The following TIAM1 variants were observed in gnomAD, a reference collection of about 807,000 sequenced individuals.
The protein encoded by TIAM1 is TIAM Rac1 associated GEF 1.
Under a neutral mutation model 163.5 loss-of-function variants are expected in TIAM1, and 65 were observed. The ratio of observed to expected loss-of-function variants is 0.40; its 90% CI spans 0.33 to 0.49. The LOEUF (loss-of-function observed/expected upper bound fraction) is 0.49. Ranked by LOEUF, TIAM1 falls within the 20% of genes least tolerant of loss-of-function variation. The probability of loss-of-function intolerance (pLI) is 0.77; values close to 1 mark genes in which losing one functional copy is unlikely to be tolerated. For missense variants in TIAM1, 1,789 were observed against 2,044.7 expected, an observed-to-expected ratio of 0.87 and a Z score of 2.41; for synonymous variants, 833 against 810.1, an observed-to-expected ratio of 1.03 and a Z score of -0.48.
intron 26 of TIAM1, among the ~76,000 whole-genome samples, chr21:31,126,464 G>GGC (rs1207887157): frequency 6.6e-6 from 1 of 152,108 alleles, no homozygotes; most frequent in Non-Finnish European, 1.5e-5. Context: ...CCACTCGGGA[G>GGC]GCTGAGGCAG....
chr21:31,350,241 C>T (rs1394779684), intron 2 of TIAM1, among the ~76,000 whole-genome samples: 1 of 152,038 alleles, frequency 6.6e-6, no homozygotes, highest in African/African-American at 2.4e-5. Context: ...CACAAAGGCC[C>T]GACACTAACC....
At chr21:31,328,765 G>A (rs958391042) in intron 2 of TIAM1, among the ~76,000 whole-genome samples, 1 of 151,326 alleles carries the variant, frequency 6.6e-6, no homozygotes, top group Non-Finnish European at 1.5e-5. Context: ...CTGTGTCCAT[G>A]TGTTCTCATT....
intron 9 of TIAM1, among the ~76,000 whole-genome samples, chr21:31,216,299 C>G (rs978967671): frequency 1.3e-5 from 2 of 152,040 alleles, no homozygotes; most frequent in African/African-American, 4.8e-5. Context: ...TGGAACTGTC[C>G]GAGCAAACAA....
chr21:31,153,179 T>C, intron 17 of TIAM1, 45 bp from the exon 18 acceptor site: 1 of 1,477,402 alleles, frequency 6.8e-7, no homozygotes, highest in East Asian at 2.3e-5. Context: ...GTTTTATTTT[T>C]TATATACCCT....
chr21:31,413,747 C>G (rs951362709), intron 2 of TIAM1, among the ~76,000 whole-genome samples: 7 of 152,160 alleles, frequency 4.6e-5, no homozygotes. Context: ...TTTCTTGATA[C>G]CAGCTCCAGA....
intron 16 of TIAM1, among the ~76,000 whole-genome samples, chr21:31,160,102 A>G (rs2083836266): frequency 6.6e-6 from 1 of 152,230 alleles, no homozygotes; most frequent in South Asian, 2.1e-4. Flanking sequence ...ACAAAACACA[A>G]TCAAAATCTC....
In TIAM1 at chr21:31,483,526, G is replaced by C. The variant is rs1002472329; in HGVS notation, c.-421-19491C>G. ...TGGATTTCTAAGAGTAGAAGCAGCT[G>C]CTTCTACTGACAGTCTCTTCCATTC... On this transcript the variant is annotated intron_variant, in intron 1 of 28. Transcript: ENST00000286827. Among the ~76,000 whole-genome samples the C allele has an allele frequency of 2.0e-5, 3 of 152,088 alleles. No homozygotes were observed. In the South Asian group the frequency reaches 6.2e-4, roughly 32 times the overall value.
At chr21:31,328,542 TA>T (rs1372673797) in intron 2 of TIAM1, among the ~76,000 whole-genome samples, 2 of 150,674 alleles carry the variant, frequency 1.3e-5, no homozygotes, top group Non-Finnish European at 2.9e-5. Flanking sequence ...GGCTTATTAT[TA>T]TTTTTTTTTT....
At chr21:31,438,883 T>C (rs1485759251) in intron 2 of TIAM1, among the ~76,000 whole-genome samples, 4 of 152,214 alleles carry the variant, frequency 2.6e-5, no homozygotes, top group African/African-American at 9.7e-5. Context: ...AAACCAACTC[T>C]AGACATTGCC....
At position 31,195,256 on chromosome 21, in the gene TIAM1, A is replaced by G. The variant is rs552422966; in HGVS notation, c.2543T>C (p.Ile848Thr). ...ATCAGCAGCTGTATCTGACTTCTCA[A>G]TGTGGATGCTCTGAGTGACTTTTGG... ...ICPKVTQSIHIEKSDTAADTY... is the reference protein window; with the variant it reads ...ICPKVTQSIHTEKSDTAADTY... The change falls in exon 13 of 28, where the codon ATT becomes ACT. Residue 848 changes from isoleucine (I) to threonine (T), a missense_variant. Transcript: ENST00000541036. The G allele has an allele frequency of 3.7e-6, 6 of 1,613,804 alleles. No homozygotes were observed. In the African/African-American group the frequency reaches 4.0e-5, roughly 11 times the overall value.
chr21:31,443,001 G>A (rs62223393), intron 2 of TIAM1, among the ~76,000 whole-genome samples: 3,153 of 152,308 alleles, frequency 0.021, 53 homozygotes, highest in Non-Finnish European at 0.032. Flanking sequence ...ATTGCAATGC[G>A]GCTCCTATGT....
intron 1 of TIAM1, among the ~76,000 whole-genome samples, chr21:31,500,907 C>T (rs564152813): frequency 1.4e-4 from 22 of 152,264 alleles, no homozygotes; most frequent in African/African-American, 5.3e-4. Context: ...AACGGCAGTC[C>T]GAGGAAACAG....
chr21:31,405,718 C>G (rs917650293), intron 2 of TIAM1, among the ~76,000 whole-genome samples: 1 of 152,094 alleles, frequency 6.6e-6, no homozygotes, highest in Non-Finnish European at 1.5e-5. Flanking sequence ...AGGAACAGCA[C>G]GGGAAAGCCC....
intron 2 of TIAM1, among the ~76,000 whole-genome samples, chr21:31,295,469 C>CAAAAAAA (rs1215751004): frequency 6.1e-5 from 4 of 65,996 alleles, no homozygotes; most frequent in South Asian, 6.8e-4. Context: ...GACTCCATCA[C>CAAAAAAA]AAAAAAAAAA....
At chr21:31,435,789 C>A (rs2044189465) in intron 2 of TIAM1, among the ~76,000 whole-genome samples, 1 of 152,158 alleles carries the variant, frequency 6.6e-6, no homozygotes, top group African/African-American at 2.4e-5. Context: ...GGGTTCTGCT[C>A]TCATGAATGG....
At position 31,155,556 on chromosome 21, in the gene TIAM1, G is replaced by A. The variant is rs571988561; in HGVS notation, c.2992-1130C>T. ...GTCTCGCTCTGTCACCCAGGCTGGAGTGCAGTGGTGCGATCTCAGCTCACA... is the reference window on the plus strand; with the variant it reads ...GTCTCGCTCTGTCACCCAGGCTGGAATGCAGTGGTGCGATCTCAGCTCACA... On this transcript the variant is annotated intron_variant, in intron 16 of 27. Transcript: ENST00000541036. Among the ~76,000 whole-genome samples the A allele has an allele frequency of 8.6e-4, 131 of 152,008 alleles. 1 individual carries two copies. Among genetic ancestry groups the A allele is most frequent in the African/African-American group, 3.0e-3 (123 of 41,464 alleles).
intron 2 of TIAM1, among the ~76,000 whole-genome samples, chr21:31,355,493 C>T (rs1245545851): frequency 2.6e-5 from 4 of 151,974 alleles, no homozygotes; most frequent in Non-Finnish European, 5.9e-5. Flanking sequence ...GGCACATTTC[C>T]TTTCTTACTT....
At chr21:31,280,138 T>C (rs8133001) in intron 2 of TIAM1, among the ~76,000 whole-genome samples, 2 of 152,160 alleles carry the variant, frequency 1.3e-5, no homozygotes, top group Non-Finnish European at 2.9e-5. Context: ...AATTACCAAG[T>C]TTTTCAGTCT....
At chr21:31,340,236 T>C (rs2075973039) in intron 1 of TIAM1, among the ~76,000 whole-genome samples, 1 of 151,626 alleles carries the variant, frequency 6.6e-6, no homozygotes, top group Non-Finnish European at 1.5e-5. Flanking sequence ...ACAAGGTCCT[T>C]ATACCCTAGG....
Sources: gnomAD v4.1 joint callset for allele counts (sites outside exome capture counted in the v4.1 genomes callset) on GRCh38, gnomAD v4.1.1 for gene constraint, MANE v1.5 for transcripts, NCBI Gene and HGNC (gene_info 2026-07-23, HGNC 2026-07-21) for gene names.